The following DGKB variants were observed in gnomAD, a reference collection of about 807,000 sequenced individuals.
DGKB encodes the protein 90 kDa diacylglycerol kinase.
DGKB carries 67 observed loss-of-function variants against 114.3 expected under a neutral mutation model. That is an observed-to-expected ratio of 0.59 (90% CI 0.48 to 0.72). The LOEUF is 0.72. Among genes scored for constraint, DGKB ranks in the 30% least tolerant of loss-of-function variants. The probability of loss-of-function intolerance (pLI) is 0.00; values close to 1 mark genes in which losing one functional copy is unlikely to be tolerated. For missense variants in DGKB, 907 were observed against 975.2 expected, an observed-to-expected ratio of 0.93 and a Z score of 0.93; for synonymous variants, 398 against 323.1, an observed-to-expected ratio of 1.23 and a Z score of -2.49.
At chr7:14,170,142 AAAAAAAG>A (rs1389417384) in intron 25 of DGKB, among the ~76,000 whole-genome samples, 4 of 123,542 alleles carry the variant, frequency 3.2e-5, no homozygotes, top group East Asian at 4.4e-4. Context: ...CTCAAAAAAA[AAAAAAAG>A]AAAGAAAGAA....
chr7:14,901,605 A>AGCCCCCCCCCCCCCCCCCCCTCCCC (rs1562855781), intron 1 of DGKB, among the ~76,000 whole-genome samples: 1 of 123,094 alleles, frequency 8.1e-6, no homozygotes, highest in Non-Finnish European at 1.7e-5. Context: ...AGGGATTTCC[A>AGCCCCCCCCCCCCCCCCCCCTCCCC]CCCCCCCCCA....
At chr7:14,506,275 G>C (rs936200972) in intron 20 of DGKB, among the ~76,000 whole-genome samples, 4 of 152,142 alleles carry the variant, frequency 2.6e-5, no homozygotes, top group Non-Finnish European at 5.9e-5. Flanking sequence ...TGACTCAACA[G>C]AGCAAGCTTA....
intron 21 of DGKB, among the ~76,000 whole-genome samples, chr7:14,413,874 G>C (rs115169857): frequency 0.015 from 2,347 of 152,220 alleles, 51 homozygotes; most frequent in African/African-American, 0.049. Flanking sequence ...ATATTCACCA[G>C]AAAGACATGT....
chr7:14,580,934 T>C lies in DGKB; in HGVS notation c.1537A>G (p.Lys513Glu). The C allele has an allele frequency of 1.2e-6, 2 of 1,603,128 alleles. No homozygotes were observed. Among genetic ancestry groups the C allele is most frequent in the Non-Finnish European group, 1.7e-6 (2 of 1,172,636 alleles). Reference sequence around the variant, plus strand: ...GGCAGAATCGCAACTGGAGGATGCTTGCCTACATTGGCCTTTTCTGCAGAA... The same window carrying C: ...GGCAGAATCGCAACTGGAGGATGCTCGCCTACATTGGCCTTTTCTGCAGAA... ...LDCIEKANVG[K>E]HPPVAILPLG... Residue 513 changes from lysine to glutamate, a missense_variant, in exon 19 of 26, where the codon AAG becomes GAG. Transcript: ENST00000402815.
At chr7:14,150,737 T>C (rs954767304) in intron 25 of DGKB, among the ~76,000 whole-genome samples, 9 of 152,080 alleles carry the variant, frequency 5.9e-5, no homozygotes, top group African/African-American at 1.9e-4. Flanking sequence ...TTGAAAATGA[T>C]CTATATCAGA....
At chr7:14,385,552 T>C (rs1490205498) in intron 21 of DGKB, among the ~76,000 whole-genome samples, 1 of 152,198 alleles carries the variant, frequency 6.6e-6, no homozygotes, top group East Asian at 1.9e-4. Context: ...TGGAGATTAC[T>C]ACCTTTTACA....
At chr7:14,266,333 A>G (rs1797513857) in intron 23 of DGKB, among the ~76,000 whole-genome samples, 1 of 152,170 alleles carries the variant, frequency 6.6e-6, no homozygotes, top group Admixed American at 6.6e-5. Context: ...CTATTTTTTA[A>G]AATGATTTTT....
chr7:14,306,053 A>AT (rs374954499), intron 23 of DGKB, among the ~76,000 whole-genome samples: 5,602 of 151,898 alleles, frequency 0.037, 331 homozygotes, highest in African/African-American at 0.13. Context: ...AATCTAAGTG[A>AT]TTTTTTTTCT....
chr7:14,302,910 A>T (rs1182844684), intron 23 of DGKB, among the ~76,000 whole-genome samples: 3 of 152,160 alleles, frequency 2.0e-5, no homozygotes, highest in Non-Finnish European at 2.9e-5. Context: ...CACTAAATGA[A>T]TCATAGGCCA....
intron 1 of DGKB, among the ~76,000 whole-genome samples, chr7:14,922,414 GTA>G (rs922987800): frequency 2.0e-5 from 3 of 147,226 alleles, no homozygotes; most frequent in Non-Finnish European, 4.5e-5. Flanking sequence ...GTGTGTGTGT[GTA>G]TCAGACTTAT....
In DGKB at chr7:14,822,777, C is replaced by T. The variant is rs1480640520; in HGVS notation, c.70+18417G>A. On this transcript the variant is annotated intron_variant, in intron 2 of 25. Coordinates refer to ENST00000402815, the MANE Select transcript of DGKB (RefSeq NM_001350709.2). ...TTGATAGAAGGTTAAATATTAACTA[C>T]GAAATAACAGATCAAAGTGTTAGTT... Among the ~76,000 whole-genome samples, 9 of 152,142 alleles carry T rather than the reference C, an allele frequency of 5.9e-5. 1 individual carries two copies. In the South Asian group the frequency reaches 1.0e-3, roughly 18 times the overall value.
rs377145714 is a variant in DGKB at position 14,178,123 on chromosome 7, G to A, written c.2151C>T (p.Val717=). The A allele has an allele frequency of 8.6e-5, 139 of 1,613,216 alleles. No homozygotes were observed. The highest frequency in any genetic ancestry group is 1.0e-4 in the Non-Finnish European group (121 of 1,179,672). ...CCATCTCCATGGCTCCTTCCAAGCC[G>A]ACCACCTCCAGCAGCTGGTCACTGA... The part of the protein sequence containing the change: ...QDLSDQLLEV[V]GLEGAMEMGQ... The change falls in exon 24 of 26, where the codon GTC becomes GTT. Residue 717 remains valine, a synonymous_variant. Transcript: ENST00000402815.
chr7:14,364,427 G>A (rs1009145519), intron 21 of DGKB, among the ~76,000 whole-genome samples: 4 of 151,814 alleles, frequency 2.6e-5, no homozygotes, highest in Non-Finnish European at 4.4e-5. Context: ...AGAAAGGAAG[G>A]AAGGAAGGAA....
chr7:14,306,398 T>G (rs943486167), intron 23 of DGKB, among the ~76,000 whole-genome samples: 1 of 152,160 alleles, frequency 6.6e-6, no homozygotes, highest in Non-Finnish European at 1.5e-5. Flanking sequence ...GAGGAGCTAA[T>G]TGATTTCACA....
At chr7:14,315,197 G>A (rs199766903) in intron 23 of DGKB, among the ~76,000 whole-genome samples, 60,072 of 110,900 alleles carry the variant, frequency 0.54, 15,321 homozygotes, top group Non-Finnish European at 0.62. Context: ...TGTAAAGACC[G>A]TCGAGACTAG....
chr7:14,487,618 C>T (rs149856405), intron 20 of DGKB, among the ~76,000 whole-genome samples: 113 of 148,696 alleles, frequency 7.6e-4, no homozygotes, highest in African/African-American at 2.4e-3. Context: ...AGAATCTCTC[C>T]CTGTCACCAA....
intron 1 of DGKB, among the ~76,000 whole-genome samples, chr7:14,960,352 A>T (rs1478427922): frequency 6.6e-6 from 1 of 152,084 alleles, no homozygotes; most frequent in African/African-American, 2.4e-5. Context: ...TACAGAAATG[A>T]AGTTTTCACC....
chr7:14,697,379 G>A lies in DGKB; in HGVS notation c.591+716C>T, dbSNP rs140587811. 6.9e-3 allele frequency among the ~76,000 whole-genome samples: 1,045 copies of A among 152,268 alleles called. 10 individuals are homozygous for A. Among genetic ancestry groups the A allele is most frequent in the African/African-American group, 0.023 (970 of 41,570 alleles). On this transcript the variant is annotated intron_variant, in intron 8 of 25. Transcript: ENST00000402815. ...ATATAACATATACACAAGGTAACAT[G>A]ATGCACTGTGCATGGAAAACTACCA... is the stretch of plus-strand genomic sequence containing the variant.
intron 1 of DGKB, among the ~76,000 whole-genome samples, chr7:14,927,477 G>C (rs1784803178): frequency 1.3e-5 from 2 of 150,448 alleles, no homozygotes; most frequent in Non-Finnish European, 3.0e-5. Flanking sequence ...GGTAGGTTTT[G>C]TTTTGCTTTG....
Sources: allele counts gnomAD v4.1 joint callset (sites outside exome capture counted in the v4.1 genomes callset), GRCh38; gene constraint gnomAD v4.1.1; transcripts MANE v1.5; gene names NCBI Gene and HGNC (gene_info 2026-07-23, HGNC 2026-07-21).